ZFP69: variants seen among roughly 807,000 people sequenced by gnomAD.
The protein encoded by ZFP69 is zinc finger protein 69 homolog.
ZFP69 carries 35 observed loss-of-function variants against 48.9 expected under a neutral mutation model. The ratio of observed to expected loss-of-function variants is 0.72; its 90% CI spans 0.55 to 0.95. ZFP69 has a LOEUF of 0.95. Among genes scored for constraint, ZFP69 ranks in the 40% least tolerant of loss-of-function variants. The pLI is 0.00. For synonymous variants in ZFP69, 193 were observed against 216.8 expected (o/e 0.89, Z 0.96); for missense variants, 557 against 638.4 (o/e 0.87, Z 1.37).
rs1417650943 is a variant in ZFP69, at chr1:40,495,651, C to A, written c.1173C>A (p.Thr391=). 6.2e-7 allele frequency: 1 copy of A among 1,614,196 alleles called. No homozygotes were observed. Among genetic ancestry groups the A allele is most frequent in the Non-Finnish European group, 8.5e-7 (1 of 1,180,040 alleles). Residue 391 remains threonine, a synonymous_variant, in exon 6 of 6, where the codon ACC becomes ACA. Coordinates refer to ENST00000372706, the MANE Select transcript of ZFP69 (RefSeq NM_001320179.2). ...TTACTTGCAATGAATGTGGGAAAAC[C>A]TTTAGACAGATTAGACACCTTAGTG... is the stretch of plus-strand genomic sequence containing the variant. ...KPFTCNECGK[T]FRQIRHLSEH... is the part of the protein sequence containing the mutation.
chr1:40,479,122 C>CCTAA lies in ZFP69; in HGVS notation c.-233_-230dup, dbSNP rs1645418844. On this transcript the variant is annotated 5_prime_UTR_variant, in exon 2 of 6. The change creates a premature stop within an existing upstream ORF in the 5' untranslated region. Transcript: ENST00000372706. The stretch of plus-strand genomic sequence containing the variant: ...AAGAGTATGGAGACATGAACTCAAA[C>CCTAA]CTAACTAACTGGCTGCCTCCCAAAG... The CCTAA allele has an allele frequency of 2.3e-6, 1 of 432,504 alleles. No homozygotes were observed. Among genetic ancestry groups the CCTAA allele is most frequent in the African/African-American group, 2.0e-5 (1 of 49,000 alleles). The allele number at this position is 432,504 out of a possible 1,614,324, so 26.8% of individuals were successfully genotyped here. A position where few individuals can be genotyped will look rare whatever the true frequency, so the allele number is the denominator to read the frequency against.
rs557136532 is a variant in ZFP69 at position 40,479,566 on chromosome 1, G to A, written c.127+78G>A. 1.4e-5 allele frequency: 21 copies of A among 1,460,762 alleles called. No individual in the cohort carries two copies. The East Asian group carries it at 4.6e-4, about 32-fold the overall frequency. 90.5% of individuals were successfully genotyped at this position (1,460,762 alleles called of 1,614,324 possible). Reference sequence around the variant, plus strand: ...AGATAGGTACACACTTCATTGAAGTGGAGAGAAGGAGGGAGAGAAGGTCTC... The same window carrying A: ...AGATAGGTACACACTTCATTGAAGTAGAGAGAAGGAGGGAGAGAAGGTCTC... On this transcript the variant is annotated intron_variant, in intron 2 of 5. Coordinates refer to ENST00000372706, the MANE Select transcript of ZFP69 (RefSeq NM_001320179.2).
chr1:40,494,256 A>ATTTTT lies in ZFP69; in HGVS notation c.443-639_443-635dup, dbSNP rs11286167. On this transcript the variant is annotated intron_variant, in intron 5 of 5. Transcript: ENST00000372706. Reference sequence around the variant, plus strand: ...TTAGAGCAGGACTAAAAGATTCAAAATTTTTTTTTTTTTTTTTTTTTTTTT... The same window carrying ATTTTT: ...TTAGAGCAGGACTAAAAGATTCAAAATTTTTTTTTTTTTTTTTTTTTTTTTTTTTT... 6.7e-3 allele frequency among the ~76,000 whole-genome samples: 349 copies of ATTTTT among 52,036 alleles called. 9 individuals carry two copies. The highest frequency in any genetic ancestry group is 0.024 in the Middle Eastern group (2 of 82). The allele number at this position is 52,036 out of a possible 152,430, so 34.1% of individuals were successfully genotyped here. A position where few individuals can be genotyped will look rare whatever the true frequency, so the allele number is the denominator to read the frequency against.
At chr1:40,479,582 A>G in intron 2 of ZFP69, 94 bp downstream of exon 2, 2 of 1,418,770 alleles carry the variant, frequency 1.4e-6, no homozygotes, top group East Asian at 2.7e-5. Context: ...AAGGAGGGAG[A>G]GAAGGTCTCT....
chr1:40,492,149 C>T (rs1645576247), intron 5 of ZFP69, among the ~76,000 whole-genome samples: 1 of 152,170 alleles, frequency 6.6e-6, no homozygotes, highest in African/African-American at 2.4e-5. Context: ...TGAGGCAGGA[C>T]TACAGGTGCA....
Position 40,495,168 on chromosome 1 carries a change from CATT to C in ZFP69, c.691_693del (p.Ile231del). On this transcript the variant is annotated inframe_deletion, in exon 6 of 6. Transcript: ENST00000372706. ...AAACTAACAAATTTGGGGAAAATATCATTGTGCATTCAAATGTTATTATTGAAC... is the reference window on the plus strand; with the variant it reads ...AAACTAACAAATTTGGGGAAAATATCGTGCATTCAAATGTTATTATTGAAC... 3 of 1,614,066 alleles carry C rather than the reference CATT, an allele frequency of 1.9e-6. No homozygotes were observed. The highest frequency in any genetic ancestry group is 2.5e-6 in the Non-Finnish European group (3 of 1,179,994).
At chr1:40,488,045 A>C (rs890173301) in intron 3 of ZFP69, among the ~76,000 whole-genome samples, 11 of 151,196 alleles carry the variant, frequency 7.3e-5, no homozygotes, top group South Asian at 2.1e-4. Context: ...TGTCTCAAAA[A>C]AAAAAAAAAA....
At chr1:40,490,538 T>A (rs1405610240) in intron 5 of ZFP69, among the ~76,000 whole-genome samples, 1 of 152,138 alleles carries the variant, frequency 6.6e-6, no homozygotes, top group Non-Finnish European at 1.5e-5. Context: ...TTGTCCTCAT[T>A]AAGGTTGAGC....
intron 3 of ZFP69, 64 bp from the exon 4 acceptor site, chr1:40,489,024 C>G (rs1645534582): frequency 6.2e-7 from 1 of 1,601,514 alleles, no homozygotes; most frequent in Non-Finnish European, 8.5e-7. Flanking sequence ...AGAATACTGT[C>G]AGAACTCCTT....
rs925430093 is a variant in ZFP69 at position 40,496,146 on chromosome 1, T to C, written c.*87T>C. 60 of 1,379,458 alleles carry C rather than the reference T, an allele frequency of 4.3e-5. 1 individual carries two copies. In the South Asian group the frequency reaches 5.3e-4, roughly 12 times the overall value. The allele number at this position is 1,379,458 out of a possible 1,614,324, so 85.5% of individuals were successfully genotyped here. ...AATTTCAGGACTCAGATATGAGGAA[T>C]TGATGTAATGATGCCAACTTTTAAT... On this transcript the variant is annotated 3_prime_UTR_variant, in exon 6 of 6. Transcript: ENST00000372706.
rs754102186 is a variant in ZFP69, at chr1:40,489,125, C to T, written c.257C>T (p.Thr86Ile). ...LTFKDISIDFTQEEWGQLAPA... is the reference protein window; with the variant it reads ...LTFKDISIDFIQEEWGQLAPA... Reference sequence around the variant, plus strand: ...TTCAAGGACATATCTATTGACTTCACCCAGGAAGAGTGGGGGCAGCTGGCT... The same window carrying T: ...TTCAAGGACATATCTATTGACTTCATCCAGGAAGAGTGGGGGCAGCTGGCT... The change falls in exon 4 of 6, where the codon ACC becomes ATC. Residue 86 changes from threonine to isoleucine, a missense_variant. Transcript: ENST00000372706. The T allele has an allele frequency of 3.1e-6, 5 of 1,613,924 alleles. No individual in the cohort carries two copies. In the Admixed American group the frequency reaches 5.0e-5, roughly 16 times the overall value.
chr1:40,486,407 T>TCCC, intron 3 of ZFP69, among the ~76,000 whole-genome samples: 1 of 143,472 alleles, frequency 7.0e-6, no homozygotes, highest in African/African-American at 2.6e-5. Flanking sequence ...CCTCCCTCCT[T>TCCC]TCCTCCCTCC....
chr1:40,486,058 CACACCCGCCTTA>C (rs1184652101), intron 3 of ZFP69, among the ~76,000 whole-genome samples: 75 of 152,054 alleles, frequency 4.9e-4, no homozygotes, highest in Admixed American at 1.0e-3. Flanking sequence ...TGTAAACTAC[CACACCCGCCTTA>C]TTTTATTTTA....
At chr1:40,483,138 T>C (rs1158741191) in intron 3 of ZFP69, among the ~76,000 whole-genome samples, 3 of 151,876 alleles carry the variant, frequency 2.0e-5, no homozygotes, top group African/African-American at 7.3e-5. Flanking sequence ...AAAAGGGGCA[T>C]GAAGGAACGT....
chr1:40,480,566 TAA>T (rs58707291), intron 2 of ZFP69, among the ~76,000 whole-genome samples: 4 of 144,818 alleles, frequency 2.8e-5, no homozygotes, highest in Non-Finnish European at 4.6e-5. Context: ...TAAACTGAGT[TAA>T]AAAAAAAAAA....
At chr1:40,494,254 AAATTTTTTT>A (rs1645598682) in intron 5 of ZFP69, among the ~76,000 whole-genome samples, 1 of 81,026 alleles carries the variant, frequency 1.2e-5, no homozygotes, top group Non-Finnish European at 2.1e-5. Flanking sequence ...AAAAGATTCA[AAATTTTTTT>A]TTTTTTTTTT....
intron 3 of ZFP69, among the ~76,000 whole-genome samples, chr1:40,486,455 ATCCCTCCCTCCCTCCTTTCTTCC>A (rs1411684721): frequency 1.3e-4 from 3 of 22,358 alleles, no homozygotes; most frequent in African/African-American, 3.4e-4. Flanking sequence ...CCCTCCCTCC[ATCCCTCCCTCCCTCCTTTCTTCC>A]TCCCTCCCTC....
In ZFP69 at chr1:40,496,012, C is replaced by T. The variant is rs200916688; in HGVS notation, c.1534C>T (p.Arg512Ter). The T allele has an allele frequency of 7.4e-6, 12 of 1,610,778 alleles. No individual in the cohort carries two copies. The highest frequency in any genetic ancestry group is 5.4e-5 in the African/African-American group (4 of 74,590). The stretch of plus-strand genomic sequence containing the variant: ...CTTCAGCTATAACTCTTCACTTAGT[C>T]GACATCATGAAATACACAGGAGGAA... ...KAFSYNSSLS[R>*]HHEIHRRNAF... Residue 512 changes from arginine to a stop codon, truncating the protein, a stop_gained, in exon 6 of 6, where the codon CGA (arginine) becomes TGA (stop). Coordinates refer to ENST00000372706, the MANE Select transcript of ZFP69 (RefSeq NM_001320179.2). LOFTEE classifies it high-confidence loss of function.
rs372458237 is a variant in ZFP69 at position 40,485,478 on chromosome 1, ATTTTGC to A, written c.220-3605_220-3600del. On this transcript the variant is annotated intron_variant, in intron 3 of 5. Coordinates refer to ENST00000372706, the MANE Select transcript of ZFP69 (RefSeq NM_001320179.2). ...AAAACACCACAGTATATTGTTCTTA[ATTTTGC>A]TTTTAATAGTAAACTGTCTTATAAC... 7.9e-4 allele frequency among the ~76,000 whole-genome samples: 120 copies of A among 152,156 alleles called. 1 individual carries two copies. Among genetic ancestry groups the A allele is most frequent in the African/African-American group, 2.8e-3 (116 of 41,520 alleles).
Sources: gnomAD v4.1 joint callset for allele counts (sites outside exome capture counted in the v4.1 genomes callset) on GRCh38, gnomAD v4.1.1 for gene constraint, MANE v1.5 for transcripts, NCBI Gene and HGNC (gene_info 2026-07-23, HGNC 2026-07-21) for gene names.